Variants in PDGFRL observed in about 807,000 individuals in gnomAD.
The protein encoded by PDGFRL is platelet-derived growth factor receptor-like protein.
Under a neutral mutation model 37.2 loss-of-function variants are expected in PDGFRL, and 46 were observed. The observed-to-expected ratio is 1.24, with a 90% CI of 0.98 to 1.58. The LOEUF is 1.58. PDGFRL is among the 40% of genes most tolerant of loss of function. The pLI, the probability that PDGFRL is intolerant of heterozygous loss-of-function variation, is 0.00. For missense variants in PDGFRL, 692 were observed against 467.6 expected, an observed-to-expected ratio of 1.48 and a Z score of -4.43; for synonymous variants, 251 against 184.3, an observed-to-expected ratio of 1.36 and a Z score of -2.93.
chr8:17,627,989 C>CTTTTTTTTTTTTTTTTTT (rs35707610), intron 3 of PDGFRL, among the ~76,000 whole-genome samples: 1 of 89,252 alleles, frequency 1.1e-5, no homozygotes, highest in African/African-American at 5.4e-5. Flanking sequence ...TTCTTTCTTT[C>CTTTTTTTTTTTTTTTTTT]TTTTTTTTTT....
At chr8:17,626,561 C>G (rs1446155677) in intron 3 of PDGFRL, among the ~76,000 whole-genome samples, 1 of 152,140 alleles carries the variant, frequency 6.6e-6, no homozygotes, top group African/African-American at 2.4e-5. Context: ...ACAAAGAAGG[C>G]AAGTGGGGAA....
At chr8:17,591,352 A>G (rs1279179542) in intron 2 of PDGFRL, among the ~76,000 whole-genome samples, 1 of 152,178 alleles carries the variant, frequency 6.6e-6, no homozygotes. Flanking sequence ...GAAGCAAGAA[A>G]GAAACACGTG....
chr8:17,623,978 C>A (rs10113316), intron 3 of PDGFRL, among the ~76,000 whole-genome samples: 1 of 151,498 alleles, frequency 6.6e-6, no homozygotes. Flanking sequence ...AAAATATATT[C>A]ATTCCAACTA....
chr8:17,615,000 T>C (rs1487006897), intron 2 of PDGFRL, among the ~76,000 whole-genome samples: 1 of 152,150 alleles, frequency 6.6e-6, no homozygotes, highest in Non-Finnish European at 1.5e-5. Flanking sequence ...TTCATGAGGA[T>C]CAAATGAGTC....
chr8:17,632,168 C>T (rs972949931), intron 4 of PDGFRL, among the ~76,000 whole-genome samples: 2 of 152,182 alleles, frequency 1.3e-5, no homozygotes, highest in Non-Finnish European at 2.9e-5. Flanking sequence ...CTCCTCCTCC[C>T]GATCCTTTCT....
At chr8:17,607,402 A>T (rs1468270565) in intron 2 of PDGFRL, among the ~76,000 whole-genome samples, 1 of 152,202 alleles carries the variant, frequency 6.6e-6, no homozygotes, top group African/African-American at 2.4e-5. Flanking sequence ...CCAAATATGT[A>T]TTTAAAAAAA....
At chr8:17,621,812 C>T (rs979813917) in intron 3 of PDGFRL, among the ~76,000 whole-genome samples, 1 of 152,082 alleles carries the variant, frequency 6.6e-6, no homozygotes, top group African/African-American at 2.4e-5. Flanking sequence ...CACTAAAGAC[C>T]TCCCATTTGT....
chr8:17,578,887 G>A (rs546394895), intron 1 of PDGFRL, among the ~76,000 whole-genome samples: 51 of 152,140 alleles, frequency 3.4e-4, no homozygotes, highest in African/African-American at 1.1e-3. Flanking sequence ...ATAATAGCAC[G>A]AAGATTTTGT....
At chr8:17,627,636 AT>A (rs527940613) in intron 3 of PDGFRL, among the ~76,000 whole-genome samples, 3,992 of 141,204 alleles carry the variant, frequency 0.028, 111 homozygotes, top group South Asian at 0.093. Flanking sequence ...CACTCAGCTA[AT>A]TTTTTTTTTT....
chr8:17,614,856 G>A (rs1804492156), intron 2 of PDGFRL, among the ~76,000 whole-genome samples: 1 of 152,164 alleles, frequency 6.6e-6, no homozygotes, highest in Admixed American at 6.5e-5. Context: ...TGGGAAAGTT[G>A]TTTGAACTGA....
Position 17,623,492 on chromosome 8 carries a change from T to C in PDGFRL, c.505+2290T>C, listed in dbSNP as rs544969148. Among the ~76,000 whole-genome samples, 4 of 152,356 alleles carry C rather than the reference T, an allele frequency of 2.6e-5. No homozygotes were observed. In the South Asian group the frequency reaches 8.3e-4, roughly 32 times the overall value. The stretch of plus-strand genomic sequence containing the variant: ...ATTTCAAGTTGCAGAAGGAAGATTC[T>C]TTGCCAAGATTAGCACTGTTGTGTC... On this transcript the variant is annotated intron_variant, in intron 3 of 5. Coordinates refer to ENST00000251630, the MANE Select transcript of PDGFRL (RefSeq NM_001372073.1).
intron 3 of PDGFRL, among the ~76,000 whole-genome samples, chr8:17,624,744 A>C (rs554783387): frequency 6.6e-6 from 1 of 152,136 alleles, no homozygotes; most frequent in Non-Finnish European, 1.5e-5. Context: ...CTCCCTCTGT[A>C]CTAAAATGCA....
intron 2 of PDGFRL, among the ~76,000 whole-genome samples, chr8:17,620,375 G>T (rs1409100619): frequency 1.3e-5 from 2 of 152,162 alleles, no homozygotes; most frequent in African/African-American, 4.8e-5. Context: ...TCAGTTTTTA[G>T]TGATAGATTT....
At chr8:17,599,354 C>A (rs1029875429) in intron 2 of PDGFRL, among the ~76,000 whole-genome samples, 1 of 152,184 alleles carries the variant, frequency 6.6e-6, no homozygotes, top group Non-Finnish European at 1.5e-5. Context: ...GCCTTTGTGT[C>A]CTCACAGCTT....
At chr8:17,609,066 A>C (rs879821120) in intron 2 of PDGFRL, among the ~76,000 whole-genome samples, 1 of 152,098 alleles carries the variant, frequency 6.6e-6, no homozygotes, top group Admixed American at 6.5e-5. Flanking sequence ...AAAACAAACA[A>C]AAAGTTTTAG....
intron 2 of PDGFRL, among the ~76,000 whole-genome samples, chr8:17,616,218 G>T (rs1804524192): frequency 7.0e-6 from 1 of 143,092 alleles, no homozygotes; most frequent in Admixed American, 7.1e-5. Context: ...ATTTCTGAGA[G>T]GGAGCCTTGC....
intron 2 of PDGFRL, among the ~76,000 whole-genome samples, chr8:17,614,404 C>G (rs564552348): frequency 6.6e-6 from 1 of 152,106 alleles, no homozygotes; most frequent in Non-Finnish European, 1.5e-5. Flanking sequence ...TTCTCTGACA[C>G]GTTCTGAGAC....
upstream of PDGFRL, chr8:17,576,725 G>A (rs1803587514): frequency 1.0e-6 from 1 of 984,312 alleles, no homozygotes; most frequent in Non-Finnish European, 1.2e-6. Context: ...GCCAGACACA[G>A]AGGAGCAGCA....
chr8:17,624,237 G>A (rs1328563929), intron 3 of PDGFRL, among the ~76,000 whole-genome samples: 1 of 152,100 alleles, frequency 6.6e-6, no homozygotes, highest in Non-Finnish European at 1.5e-5. Flanking sequence ...CTACCCATGT[G>A]GAGAAATGTT....
Sources: gnomAD v4.1 joint callset for allele counts (sites outside exome capture counted in the v4.1 genomes callset) on GRCh38, gnomAD v4.1.1 for gene constraint, MANE v1.5 for transcripts, NCBI Gene and HGNC (gene_info 2026-07-23, HGNC 2026-07-21) for gene names.